The following DLG2 variants were observed in gnomAD, a reference collection of about 807,000 sequenced individuals.
DLG2 encodes discs large MAGUK scaffold protein 2, also known as disks large homolog 2.
Under a neutral mutation model 132.5 loss-of-function variants are expected in DLG2, and 45 were observed. The observed-to-expected ratio is 0.34, with a 90% confidence interval of 0.27 to 0.44. The LOEUF is 0.44. Among genes scored for constraint, DLG2 ranks in the 20% least tolerant of loss-of-function variants. DLG2 has a pLI of 1.00. For synonymous variants in DLG2, 424 were observed against 419.6 expected, an observed-to-expected ratio of 1.01 and a Z score of -0.13; for missense variants, 1,045 against 1,196.9, an observed-to-expected ratio of 0.87 and a Z score of 1.87.
Position 84,024,271 on chromosome 11 carries a change from A to C in DLG2, c.919+35044T>G, listed in dbSNP as rs569575542. Reference sequence around the variant, plus strand: ...CTATAGTTAATAATCTCAGAAACACACATCTAACTAAAGGTCCTTATCATC... The same window carrying C: ...CTATAGTTAATAATCTCAGAAACACCCATCTAACTAAAGGTCCTTATCATC... On this transcript the variant is annotated intron_variant, in intron 11 of 27. Coordinates refer to ENST00000376104, the MANE Select transcript of DLG2 (RefSeq NM_001142699.3). 3.9e-5 allele frequency among the ~76,000 whole-genome samples: 6 copies of C among 152,294 alleles called. No individual in the cohort carries two copies. In the East Asian group the frequency reaches 9.7e-4, roughly 25 times the overall value.
At chr11:84,737,288 A>G (rs1225223546) in intron 6 of DLG2, among the ~76,000 whole-genome samples, 1 of 151,914 alleles carries the variant, frequency 6.6e-6, no homozygotes, top group Non-Finnish European at 1.5e-5. Flanking sequence ...TATGTTCATG[A>G]GGGGTATTAG....
At chr11:83,554,631 C>T (rs1241382870) in intron 19 of DLG2, among the ~76,000 whole-genome samples, 1 of 152,024 alleles carries the variant, frequency 6.6e-6, no homozygotes, top group African/African-American at 2.4e-5. Context: ...CAATATTTAC[C>T]TCGTCCTTCC....
chr11:85,579,853 T>C (rs1429293219), intron 3 of DLG2, among the ~76,000 whole-genome samples: 1 of 152,068 alleles, frequency 6.6e-6, no homozygotes, highest in East Asian at 1.9e-4. Context: ...TGCTCAGCCA[T>C]AAAGAACTTT....
chr11:83,855,474 T>C (rs571921438), intron 16 of DLG2, among the ~76,000 whole-genome samples: 1 of 152,118 alleles, frequency 6.6e-6, no homozygotes, highest in East Asian at 1.9e-4. Context: ...ATCTAGAAAA[T>C]GGAACATTAT....
At chr11:84,472,241 A>G (rs568534338) in intron 7 of DLG2, among the ~76,000 whole-genome samples, 1 of 152,080 alleles carries the variant, frequency 6.6e-6, no homozygotes, top group East Asian at 1.9e-4. Flanking sequence ...GTGTATATAC[A>G]TATAATATGT....
intron 3 of DLG2, among the ~76,000 whole-genome samples, chr11:85,321,683 G>A (rs988571108): frequency 6.6e-6 from 1 of 152,036 alleles, no homozygotes; most frequent in African/African-American, 2.4e-5. Context: ...TATCCAGGAA[G>A]CCAAATAGAG....
intron 11 of DLG2, among the ~76,000 whole-genome samples, chr11:84,047,870 ATGT>A (rs1276726594): frequency 6.6e-6 from 1 of 151,600 alleles, no homozygotes; most frequent in African/African-American, 2.4e-5. Flanking sequence ...TTCTCTCATA[ATGT>A]TGTATTATAC....
rs143089443 is a variant in DLG2, at chr11:84,019,040, G to A, written c.920-38398C>T. On this transcript the variant is annotated intron_variant, in intron 11 of 27. Transcript: ENST00000376104. ...GCATGTAGAAGTGTTCTGGTAGCTGGCAAAGTTCTATTTTTGTTCTAGGTG... is the reference window on the plus strand; with the variant it reads ...GCATGTAGAAGTGTTCTGGTAGCTGACAAAGTTCTATTTTTGTTCTAGGTG... Among the ~76,000 whole-genome samples, 2 of 151,886 alleles carry A rather than the reference G, an allele frequency of 1.3e-5. 1 individual carries two copies. Among genetic ancestry groups the A allele is most frequent in the East Asian group, 3.9e-4 (2 of 5,156 alleles).
intron 3 of DLG2, among the ~76,000 whole-genome samples, chr11:85,370,649 A>T (rs1404913694): frequency 6.6e-6 from 1 of 152,168 alleles, no homozygotes; most frequent in Admixed American, 6.5e-5. Context: ...TCTATTTTAT[A>T]ATATCAAGTA....
intron 6 of DLG2, among the ~76,000 whole-genome samples, chr11:84,536,931 G>A (rs1298678970): frequency 6.6e-6 from 1 of 152,120 alleles, no homozygotes; most frequent in Non-Finnish European, 1.5e-5. Flanking sequence ...TGTCTGTGGG[G>A]TTGCCCGTTT....
intron 9 of DLG2, among the ~76,000 whole-genome samples, chr11:84,128,206 G>C (rs188544945): frequency 4.6e-5 from 7 of 152,226 alleles, no homozygotes; most frequent in Admixed American, 4.6e-4. Context: ...TGAGATGTTA[G>C]ACCAGTAGCT....
chr11:83,614,071 G>C (rs1228632), intron 19 of DLG2, among the ~76,000 whole-genome samples: 52,381 of 152,062 alleles, frequency 0.34, 9,634 homozygotes, highest in East Asian at 0.51. Context: ...AAGTAGGAAA[G>C]AGGCTGAGAC....
chr11:85,307,710 C>A (rs1167034227), intron 3 of DLG2, among the ~76,000 whole-genome samples: 1 of 152,178 alleles, frequency 6.6e-6, no homozygotes, highest in Non-Finnish European at 1.5e-5. Context: ...AAAATAGATT[C>A]TTTACTGACA....
chr11:83,799,576 C>T (rs1003388326), intron 17 of DLG2, among the ~76,000 whole-genome samples: 13 of 152,148 alleles, frequency 8.5e-5, no homozygotes, highest in Non-Finnish European at 2.9e-5. Flanking sequence ...CTATTCTCCT[C>T]AAATACTTCT....
chr11:84,232,367 A>G (rs1450047101), intron 8 of DLG2, among the ~76,000 whole-genome samples: 1 of 152,222 alleles, frequency 6.6e-6, no homozygotes, highest in Non-Finnish European at 1.5e-5. Flanking sequence ...CCTAGGTAAC[A>G]GTACCTGGCA....
chr11:84,185,170 C>A (rs1455681877), intron 8 of DLG2, among the ~76,000 whole-genome samples: 2 of 152,056 alleles, frequency 1.3e-5, no homozygotes, highest in South Asian at 2.1e-4. Flanking sequence ...GCAGTATGGC[C>A]ATTTTCATGA....
intron 9 of DLG2, among the ~76,000 whole-genome samples, chr11:84,119,676 G>C (rs2093811465): frequency 6.6e-6 from 1 of 151,970 alleles, no homozygotes; most frequent in South Asian, 2.1e-4. Flanking sequence ...GCTCAAACAA[G>C]CACATGTATC....
At position 83,786,808 on chromosome 11, in the gene DLG2, C is replaced by A; in HGVS notation, c.1723-16G>T. The A allele has an allele frequency of 6.2e-7, 1 of 1,611,402 alleles. No homozygotes were observed. On this transcript the variant is annotated splice_polypyrimidine_tract_variant and intron_variant, in intron 17 of 27. Transcript: ENST00000376104. ...TGCCATTCACCTGAAAGAGAGGAAG[C>A]CAGAGAATCTTGGTATTTCATAAGG...
At chr11:83,790,452 A>G in intron 17 of DLG2, 1 of 1,162,386 alleles carries the variant, frequency 8.6e-7, no homozygotes, top group South Asian at 1.3e-5. Context: ...AGATCTTTTT[A>G]GCTCCTCTGT....
Sources: gnomAD v4.1 joint callset for allele counts (sites outside exome capture counted in the v4.1 genomes callset) on GRCh38, gnomAD v4.1.1 for gene constraint, MANE v1.5 for transcripts, NCBI Gene and HGNC (gene_info 2026-07-23, HGNC 2026-07-21) for gene names.